TPRG1: variants seen among roughly 807,000 people sequenced by gnomAD.
TPRG1 encodes the protein tumor protein p63-regulated gene 1 protein.
A neutral mutation model predicts 29.3 loss-of-function variants in TPRG1; 29 were observed. The ratio of observed to expected loss-of-function variants is 0.99; its 90% CI spans 0.74 to 1.35. The LOEUF (loss-of-function observed/expected upper bound fraction) is 1.35. Among genes scored for constraint, TPRG1 ranks in the 40% most tolerant of loss-of-function variants. The pLI is 0.00. For missense variants in TPRG1, 327 were observed against 335.0 expected, an observed-to-expected ratio of 0.98 and a Z score of 0.19; for synonymous variants, 130 against 116.8, an observed-to-expected ratio of 1.11 and a Z score of -0.73.
chr3:189,160,684 G>A (rs1231890629), intron 5 of TPRG1, among the ~76,000 whole-genome samples: 1 of 152,156 alleles, frequency 6.6e-6, no homozygotes, highest in Non-Finnish European at 1.5e-5. Context: ...TCCAGGGAAA[G>A]GCAAAAGCTC....
chr3:189,147,144 A>G (rs994365545), intron 3 of TPRG1, among the ~76,000 whole-genome samples: 8 of 152,190 alleles, frequency 5.3e-5, no homozygotes, highest in African/African-American at 1.9e-4. Context: ...CTTAACCACT[A>G]CACTATCTAC....
chr3:189,032,293 A>T (rs1357865403), intron 4 of TPRG1, among the ~76,000 whole-genome samples: 2 of 152,166 alleles, frequency 1.3e-5, no homozygotes, highest in Non-Finnish European at 2.9e-5. Flanking sequence ...TGACTTCTAC[A>T]CACTGGAAAA....
chr3:189,207,551 C>T lies in TPRG1; in HGVS notation c.167C>T (p.Pro56Leu). 1 of 1,614,012 alleles carries T rather than the reference C, an allele frequency of 6.2e-7. No individual in the cohort carries two copies. Among genetic ancestry groups the T allele is most frequent in the Non-Finnish European group, 8.5e-7 (1 of 1,179,930 alleles). The change falls in exon 2 of 6, where the codon CCT becomes CTT. Residue 56 changes from proline (P) to leucine (L), a missense_variant. Transcript: ENST00000345063. Reference protein sequence around the residue: ...SVTESTLYPNPYHQPYISRKY... With the variant: ...SVTESTLYPNLYHQPYISRKY... Reference sequence around the variant, plus strand: ...ACCGAATCAACTCTTTACCCCAATCCTTATCATCAGCCTTATATCTCACGG... The same window carrying T: ...ACCGAATCAACTCTTTACCCCAATCTTTATCATCAGCCTTATATCTCACGG...
chr3:189,247,737 T>C (rs549070529), intron 4 of TPRG1, among the ~76,000 whole-genome samples: 2 of 152,074 alleles, frequency 1.3e-5, no homozygotes, highest in East Asian at 1.9e-4. Flanking sequence ...TCAAACGTTT[T>C]TGCTGCGTCT....
chr3:189,230,947 C>G (rs533130612), intron 3 of TPRG1, among the ~76,000 whole-genome samples: 39 of 152,198 alleles, frequency 2.6e-4, no homozygotes, highest in African/African-American at 7.9e-4. Context: ...GATGGGGGCT[C>G]GTATTTGCCT....
At chr3:189,027,146 A>G (rs979917529) in intron 4 of TPRG1, among the ~76,000 whole-genome samples, 1 of 152,138 alleles carries the variant, frequency 6.6e-6, no homozygotes, top group Non-Finnish European at 1.5e-5. Context: ...ATTCCAAATC[A>G]ACACTTTCTT....
intron 1 of TPRG1, among the ~76,000 whole-genome samples, chr3:189,188,924 TCTC>T (rs1428668983): frequency 3.3e-5 from 5 of 152,216 alleles, no homozygotes; most frequent in African/African-American, 1.2e-4. Context: ...ATTTTCATCT[TCTC>T]CTGACTTTTA....
chr3:189,226,821 A>T (rs925163327), intron 3 of TPRG1, among the ~76,000 whole-genome samples: 5 of 151,678 alleles, frequency 3.3e-5, no homozygotes, highest in African/African-American at 9.7e-5. Context: ...AAGAAAAAGA[A>T]AAAAGAGGAG....
intron 1 of TPRG1, among the ~76,000 whole-genome samples, chr3:189,110,957 A>G (rs1720438553): frequency 6.6e-6 from 1 of 151,674 alleles, no homozygotes; most frequent in Non-Finnish European, 1.5e-5. Flanking sequence ...TTTAATACCA[A>G]CTGGTTTGAC....
intron 4 of TPRG1, among the ~76,000 whole-genome samples, chr3:189,262,222 GTA>G (rs1288404769): frequency 4.6e-5 from 7 of 150,848 alleles, no homozygotes; most frequent in Non-Finnish European, 8.9e-5. Flanking sequence ...ATAAGTATAA[GTA>G]TAAGTATAAG....
At chr3:189,056,759 T>C (rs1176918797) in intron 4 of TPRG1, among the ~76,000 whole-genome samples, 18 of 152,158 alleles carry the variant, frequency 1.2e-4, no homozygotes. Context: ...GATGAACAGA[T>C]TGAATCCATG....
chr3:189,144,118 T>C (rs1256207728), intron 3 of TPRG1, among the ~76,000 whole-genome samples: 1 of 152,196 alleles, frequency 6.6e-6, no homozygotes, highest in Non-Finnish European at 1.5e-5. Context: ...AGAGTATACA[T>C]ATTCTCATTA....
At chr3:189,030,907 G>A (rs778175119) in intron 4 of TPRG1, among the ~76,000 whole-genome samples, 49 of 152,198 alleles carry the variant, frequency 3.2e-4, no homozygotes, top group Non-Finnish European at 8.8e-5. Flanking sequence ...GACAAAGCCA[G>A]CACCTTAACC....
At chr3:189,052,685 C>T (rs998338970) in intron 4 of TPRG1, among the ~76,000 whole-genome samples, 1 of 152,114 alleles carries the variant, frequency 6.6e-6, no homozygotes, top group African/African-American at 2.4e-5. Flanking sequence ...ATTGTGGAAC[C>T]AACCCAAATG....
At chr3:189,160,450 C>G (rs757605462) in intron 5 of TPRG1, among the ~76,000 whole-genome samples, 29 of 152,142 alleles carry the variant, frequency 1.9e-4, no homozygotes, top group Non-Finnish European at 3.7e-4. Flanking sequence ...TTGTAATTTT[C>G]TTTACTTCCA....
intron 1 of TPRG1, among the ~76,000 whole-genome samples, chr3:189,188,205 A>G (rs1731204589): frequency 6.6e-6 from 1 of 152,232 alleles, no homozygotes; most frequent in African/African-American, 2.4e-5. Flanking sequence ...TGACATCAGA[A>G]AATTCATTCG....
At chr3:189,198,227 C>T (rs2108766879) in intron 1 of TPRG1, among the ~76,000 whole-genome samples, 1 of 152,324 alleles carries the variant, frequency 6.6e-6, no homozygotes, top group Admixed American at 6.5e-5. Flanking sequence ...CATCCTCCAC[C>T]TACCCTCTAG....
chr3:189,111,234 G>A (rs1044215255), intron 1 of TPRG1, among the ~76,000 whole-genome samples: 4 of 151,884 alleles, frequency 2.6e-5, no homozygotes, highest in African/African-American at 9.7e-5. Context: ...TTTTATTTAG[G>A]TCTTCTTTGA....
intron 4 of TPRG1, among the ~76,000 whole-genome samples, chr3:189,149,296 T>G (rs1016387167): frequency 2.0e-5 from 3 of 152,178 alleles, no homozygotes; most frequent in Non-Finnish European, 4.4e-5. Flanking sequence ...ATGTTAAGTA[T>G]CTACAGCATA....
Sources: gnomAD v4.1 joint callset for allele counts (sites outside exome capture counted in the v4.1 genomes callset) on GRCh38, gnomAD v4.1.1 for gene constraint, MANE v1.5 for transcripts, NCBI Gene and HGNC (gene_info 2026-07-23, HGNC 2026-07-21) for gene names.